The following RABL6 variants were observed in gnomAD, a reference collection of about 807,000 sequenced individuals.
The protein encoded by RABL6 is RAB, member RAS oncogene family like 6, also known as rab-like protein 6.
RABL6 carries 28 observed loss-of-function variants against 72.9 expected under a neutral mutation model. The observed-to-expected ratio is 0.38, with a 90% CI of 0.28 to 0.53. RABL6 has a LOEUF of 0.53. RABL6 is among the 20% of genes least tolerant of loss of function. The pLI, the probability that RABL6 is intolerant of heterozygous loss-of-function variation, is 0.80. For synonymous variants in RABL6, 477 were observed against 421.2 expected (o/e 1.13, Z -1.62); for missense variants, 1,029 against 1,008.4 (o/e 1.02, Z -0.28).
At chr9:136,834,178 T>C in intron 7 of RABL6, 11 of 1,263,088 alleles carry the variant, frequency 8.7e-6, no homozygotes, top group Non-Finnish European at 1.1e-5. Context: ...AGGCCTTCTT[T>C]ATGTCACCTA....
rs1457552001 is a variant in RABL6, at chr9:136,821,684, C to T, written c.131-1841C>T. On this transcript the variant is annotated intron_variant, in intron 1 of 14. Transcript: ENST00000311502. ...CTCCCGCCGCGCTGGGGCCTGGCTC[C>T]CTCCTGGCTGCGCTGAGCGCCTGCG... 8.0e-6 allele frequency: 8 copies of T among 996,972 alleles called. No individual in the cohort carries two copies. In the Admixed American group the frequency reaches 4.3e-4, roughly 53 times the overall value. The allele number at this position is 996,972 out of a possible 1,614,324, so 61.8% of individuals were successfully genotyped here. A position where few individuals can be genotyped will look rare whatever the true frequency, so the allele number is the denominator to read the frequency against.
At chr9:136,833,919 C>CTA in intron 7 of RABL6, 7 of 1,550,096 alleles carry the variant, frequency 4.5e-6, no homozygotes, top group Non-Finnish European at 6.1e-6. Context: ...GTTGATTACT[C>CTA]CTTAGAGAGC....
intron 10 of RABL6, among the ~76,000 whole-genome samples, 193 bp from the exon 11 acceptor site, chr9:136,838,716 C>A (rs1280318067): frequency 6.6e-6 from 1 of 151,850 alleles, no homozygotes; most frequent in Non-Finnish European, 1.5e-5. Flanking sequence ...TGTGTCCAAC[C>A]TTGTGCCCCC....
At chr9:136,838,829 G>A in intron 10 of RABL6, 80 bp from the exon 11 acceptor site, 2 of 1,293,302 alleles carry the variant, frequency 1.5e-6, no homozygotes, top group Non-Finnish European at 2.1e-6. Context: ...GGGTACCAGG[G>A]CGCCTAGAAC....
At position 136,823,016 on chromosome 9, in the gene RABL6, A is replaced by AGGT. The variant is rs367587152; in HGVS notation, c.131-506_131-504dup. Among the ~76,000 whole-genome samples the AGGT allele has an allele frequency of 3.5e-3, 509 of 145,974 alleles. 3 individuals are homozygous for AGGT. The highest frequency in any genetic ancestry group is 0.012 in the African/African-American group (485 of 39,450). ...GACAGGAGAATGGCGTGAACCCGGGAGGTGGAGCTTGCAGTGAGCCGAGAT... is the reference window on the plus strand; with the variant it reads ...GACAGGAGAATGGCGTGAACCCGGGAGGTGGTGGAGCTTGCAGTGAGCCGAGAT... On this transcript the variant is annotated intron_variant, in intron 1 of 14. Transcript: ENST00000311502.
At chr9:136,832,078 C>A in intron 6 of RABL6, 187 bp from the exon 7 acceptor site, 2 of 904,046 alleles carry the variant, frequency 2.2e-6, no homozygotes, top group Non-Finnish European at 3.3e-6. Context: ...GAAGTGCTGG[C>A]ACTGTGGGGT....
At chr9:136,818,207 C>T (rs1187956388) in intron 1 of RABL6, among the ~76,000 whole-genome samples, 8 of 146,666 alleles carry the variant, frequency 5.5e-5, no homozygotes, top group African/African-American at 2.0e-4. Context: ...ACTAAAAATA[C>T]AAAAAATTAG....
At position 136,818,383 on chromosome 9, in the gene RABL6, A is replaced by C. The variant is rs1247069441; in HGVS notation, c.131-5142A>C. ...GTCTCAAAAAAAAAAAAAAAAAAAA[A>C]AAAAAAAAAAAAAAAAAAAAACCAA... On this transcript the variant is annotated intron_variant, in intron 1 of 14. Transcript: ENST00000311502. 4.7e-5 allele frequency among the ~76,000 whole-genome samples: 6 copies of C among 127,274 alleles called. 1 individual carries two copies. Among genetic ancestry groups the C allele is most frequent in the East Asian group, 2.6e-4 (1 of 3,792 alleles). 83.5% of individuals were successfully genotyped at this position (127,274 alleles called of 152,430 possible).
At chr9:136,839,168 G>A (rs748157218) in intron 11 of RABL6, 47 bp downstream of exon 11, 2 of 1,604,642 alleles carry the variant, frequency 1.2e-6, no homozygotes, top group East Asian at 4.5e-5. Flanking sequence ...CCCGGGTGGG[G>A]CAGTTCAGGA....
intron 4 of RABL6, 58 bp from the exon 5 acceptor site, chr9:136,829,335 G>A: frequency 7.5e-7 from 1 of 1,338,670 alleles, no homozygotes; most frequent in Non-Finnish European, 1.0e-6. Flanking sequence ...AAAACTGTGG[G>A]CCACACGGGT....
chr9:136,809,893 C>A, intron 1 of RABL6: 1 of 156,460 alleles, frequency 6.4e-6, no homozygotes. Flanking sequence ...CAGGACTCCT[C>A]TGTCCAGGAG....
At chr9:136,833,669 T>C in intron 7 of RABL6, 1 of 1,548,040 alleles carries the variant, frequency 6.5e-7, no homozygotes, top group South Asian at 1.2e-5. Flanking sequence ...CGACTGGGTC[T>C]GGGGGACCTG....
In RABL6 at chr9:136,841,001, C is replaced by G; in HGVS notation, c.*479C>G. The G allele has an allele frequency of 6.9e-7, 1 of 1,441,224 alleles. No individual in the cohort carries two copies. The highest frequency in any genetic ancestry group is 1.4e-5 in the African/African-American group (1 of 69,540). 89.3% of individuals were successfully genotyped at this position (1,441,224 alleles called of 1,614,324 possible). A position where few individuals can be genotyped will look rare whatever the true frequency, so the allele number is the denominator to read the frequency against. On this transcript the variant is annotated 3_prime_UTR_variant, in exon 15 of 15. Transcript: ENST00000311502. Reference sequence around the variant, plus strand: ...TGTGCAGACTCACCCTAAAGGGCGGCCCAGGCCCCACGCTAGAAGGCTGGC... The same window carrying G: ...TGTGCAGACTCACCCTAAAGGGCGGGCCAGGCCCCACGCTAGAAGGCTGGC...
chr9:136,839,690 C>A lies in RABL6; in HGVS notation c.1759-4C>A, dbSNP rs867796162. Reference sequence around the variant, plus strand: ...GGCCTGACCAGTTGCTCTCCCTGCTCCAGGATGACTTTCCCGTGCGAGATG... The same window carrying A: ...GGCCTGACCAGTTGCTCTCCCTGCTACAGGATGACTTTCCCGTGCGAGATG... On this transcript the variant is annotated splice_region_variant and splice_polypyrimidine_tract_variant and intron_variant, in intron 12 of 14. Transcript: ENST00000311502. The A allele has an allele frequency of 6.3e-7, 1 of 1,577,390 alleles. No homozygotes were observed. Among genetic ancestry groups the A allele is most frequent in the Non-Finnish European group, 8.6e-7 (1 of 1,158,516 alleles).
At chr9:136,823,218 G>C (rs1428124694) in intron 1 of RABL6, among the ~76,000 whole-genome samples, 2 of 151,874 alleles carry the variant, frequency 1.3e-5, no homozygotes, top group East Asian at 3.9e-4. Flanking sequence ...GGTCCCAGGG[G>C]TGGGCTCTAG....
intron 5 of RABL6, among the ~76,000 whole-genome samples, chr9:136,831,472 TC>T: frequency 6.6e-6 from 1 of 152,170 alleles, no homozygotes; most frequent in South Asian, 2.1e-4. Context: ...GCAGGGGCGT[TC>T]CAGTGTGGGG....
chr9:136,834,214 A>G, intron 7 of RABL6: 1 of 1,214,998 alleles, frequency 8.2e-7, no homozygotes, highest in Non-Finnish European at 1.0e-6. Context: ...CATCTCTAAA[A>G]AAATCAGTTG....
chr9:136,834,539 T>C, intron 7 of RABL6: 1 of 882,760 alleles, frequency 1.1e-6, no homozygotes, highest in Non-Finnish European at 1.4e-6. Context: ...AGTACGGTGG[T>C]GCAATCTTGC....
rs1302313387 is a variant in RABL6 at position 136,822,003 on chromosome 9, G to A, written c.131-1522G>A. 3.1e-6 allele frequency: 4 copies of A among 1,289,630 alleles called. No homozygotes were observed. In the South Asian group the frequency reaches 3.7e-5, roughly 12 times the overall value. 79.9% of individuals were successfully genotyped at this position (1,289,630 alleles called of 1,614,324 possible). Reference sequence around the variant, plus strand: ...AAAGTTGGCGCGTTGAGGTACCTAGGATGGGCGAGGAAATGAACAAGCTTC... The same window carrying A: ...AAAGTTGGCGCGTTGAGGTACCTAGAATGGGCGAGGAAATGAACAAGCTTC... On this transcript the variant is annotated intron_variant, in intron 1 of 14. Transcript: ENST00000311502.
Sources: gnomAD v4.1 joint callset for allele counts (sites outside exome capture counted in the v4.1 genomes callset) on GRCh38, gnomAD v4.1.1 for gene constraint, MANE v1.5 for transcripts, NCBI Gene and HGNC (gene_info 2026-07-23, HGNC 2026-07-21) for gene names.